Variants in SCARA5 observed in about 807,000 individuals in gnomAD.
SCARA5 encodes the protein scavenger receptor class A, member 5 (putative).
SCARA5 carries 45 observed loss-of-function variants against 46.3 expected under a neutral mutation model. The observed-to-expected ratio is 0.97, with a 90% CI of 0.76 to 1.24. The LOEUF (loss-of-function observed/expected upper bound fraction) is 1.24. Among genes scored for constraint, SCARA5 ranks in the 50% most tolerant of loss-of-function variants. The probability of loss-of-function intolerance (pLI) is 0.00; values close to 1 mark genes in which losing one functional copy is unlikely to be tolerated. For synonymous variants in SCARA5, 333 were observed against 306.5 expected (o/e 1.09, Z -0.90); for missense variants, 680 against 689.0 (o/e 0.99, Z 0.15).
chr8:27,910,641 C>A (rs1023488531), intron 4 of SCARA5, among the ~76,000 whole-genome samples: 4 of 152,148 alleles, frequency 2.6e-5, no homozygotes, highest in African/African-American at 7.2e-5. Context: ...AGCCTTCAGT[C>A]CAGCCAGGTG....
At chr8:27,916,609 T>C (rs1463605460) in intron 4 of SCARA5, among the ~76,000 whole-genome samples, 1 of 152,224 alleles carries the variant, frequency 6.6e-6, no homozygotes, top group African/African-American at 2.4e-5. Flanking sequence ...GCTTTTCTAG[T>C]GACCTAGCCC....
intron 5 of SCARA5, 37 bp from the exon 6 acceptor site, chr8:27,907,283 G>A (rs1332698405): frequency 1.3e-6 from 2 of 1,501,096 alleles, no homozygotes; most frequent in South Asian, 2.3e-5. Flanking sequence ...AGCCTCAGAT[G>A]CAGAACAGGA....
Position 27,934,929 on chromosome 8 carries a change from C to T in SCARA5, c.242-12684G>A, listed in dbSNP as rs553334676. ...TTGGGCCATCTTACTAGAAGTCTCA[C>T]GGCCAGCATGAAGGAGGTGACCCTT... is the stretch of plus-strand genomic sequence containing the variant. On this transcript the variant is annotated intron_variant, in intron 3 of 8. Coordinates refer to ENST00000354914, the MANE Select transcript of SCARA5 (RefSeq NM_173833.6). Among the ~76,000 whole-genome samples, 12 of 152,376 alleles carry T rather than the reference C, an allele frequency of 7.9e-5. No individual in the cohort carries two copies. In the East Asian group the frequency reaches 9.6e-4, roughly 12 times the overall value.
At chr8:27,888,084 T>A (rs1334740866) in intron 7 of SCARA5, among the ~76,000 whole-genome samples, 1 of 151,588 alleles carries the variant, frequency 6.6e-6, no homozygotes, top group Non-Finnish European at 1.5e-5. Flanking sequence ...TGAGACAAGG[T>A]CTGGCTCTGT....
At chr8:27,949,589 G>A (rs556871546) in intron 3 of SCARA5, among the ~76,000 whole-genome samples, 4 of 152,308 alleles carry the variant, frequency 2.6e-5, no homozygotes, top group South Asian at 2.1e-4. Context: ...CACTGTTGCC[G>A]CATAACTCAG....
chr8:27,908,062 GATCTGA>G lies in SCARA5; in HGVS notation c.998-822_998-817del, dbSNP rs1415591101. The stretch of plus-strand genomic sequence containing the variant: ...GGTCACACAGCAGTGTTGGAGGCAG[GATCTGA>G]GCCCTGCTGTTGCTGAAATGAGAGT... On this transcript the variant is annotated intron_variant, in intron 5 of 8. Coordinates refer to ENST00000354914, the MANE Select transcript of SCARA5 (RefSeq NM_173833.6). Among the ~76,000 whole-genome samples, 39 of 150,686 alleles carry G rather than the reference GATCTGA, an allele frequency of 2.6e-4. No individual in the cohort carries two copies. In the Middle Eastern group the frequency reaches 0.01, roughly 40 times the overall value.
chr8:27,871,310 A>T lies in SCARA5; in HGVS notation c.*624T>A. 1 of 393,524 alleles carries T rather than the reference A, an allele frequency of 2.5e-6. No homozygotes were observed. The highest frequency in any genetic ancestry group is 3.5e-6 in the Non-Finnish European group (1 of 288,606). 24.4% of individuals were successfully genotyped at this position (393,524 alleles called of 1,614,324 possible). A position where few individuals can be genotyped will look rare whatever the true frequency, so the allele number is the denominator to read the frequency against. ...CGTGCCATGGTAGTCATTCAATGTTAGTTTCATTCCCTTCTCCAAATCTAG... is the reference window on the plus strand; with the variant it reads ...CGTGCCATGGTAGTCATTCAATGTTTGTTTCATTCCCTTCTCCAAATCTAG... On this transcript the variant is annotated 3_prime_UTR_variant, in exon 9 of 9. Transcript: ENST00000354914.
intron 7 of SCARA5, among the ~76,000 whole-genome samples, chr8:27,888,898 C>A (rs1173117235): frequency 1.3e-5 from 2 of 152,194 alleles, no homozygotes; most frequent in Non-Finnish European, 2.9e-5. Context: ...GGCTGGGTAG[C>A]CTCCTTGCTG....
chr8:27,978,033 T>G (rs1729328563), intron 2 of SCARA5, among the ~76,000 whole-genome samples: 1 of 146,456 alleles, frequency 6.8e-6, no homozygotes, highest in East Asian at 2.0e-4. Flanking sequence ...TGTTTTTTTT[T>G]TTTTTTTTTT....
At chr8:27,882,631 G>C (rs1585461383) in intron 7 of SCARA5, among the ~76,000 whole-genome samples, 1 of 152,322 alleles carries the variant, frequency 6.6e-6, no homozygotes, top group Non-Finnish European at 1.5e-5. Context: ...AAGCCAGAGA[G>C]AGCCAGTTGG....
At chr8:27,891,293 C>T (rs943024085) in intron 7 of SCARA5, among the ~76,000 whole-genome samples, 3 of 151,916 alleles carry the variant, frequency 2.0e-5, no homozygotes, top group African/African-American at 7.3e-5. Context: ...GCAACCTTCA[C>T]CTCCAGAGTT....
At chr8:27,978,121 G>C (rs370330982) in intron 2 of SCARA5, among the ~76,000 whole-genome samples, 3 of 148,714 alleles carry the variant, frequency 2.0e-5, no homozygotes, top group East Asian at 4.0e-4. Context: ...CTGCCTCCCA[G>C]GTTCAAGCAA....
intron 2 of SCARA5, among the ~76,000 whole-genome samples, chr8:27,985,027 A>G (rs1400039983): frequency 6.6e-6 from 1 of 152,182 alleles, no homozygotes; most frequent in African/African-American, 2.4e-5. Context: ...CATTCAAAAA[A>G]TGCCTAGTGA....
chr8:27,966,670 G>T, intron 2 of SCARA5, 128 bp from the exon 3 acceptor site: 1 of 1,039,426 alleles, frequency 9.6e-7, no homozygotes. Context: ...CATCCCTTTT[G>T]CATGTCTAGA....
chr8:27,893,872 C>T (rs1306988671), intron 7 of SCARA5, among the ~76,000 whole-genome samples: 2 of 152,230 alleles, frequency 1.3e-5, no homozygotes, highest in Non-Finnish European at 2.9e-5. Flanking sequence ...TATTACTCCG[C>T]CCCCAGCGGG....
At chr8:27,972,181 G>T (rs1015988438) in intron 2 of SCARA5, among the ~76,000 whole-genome samples, 5 of 152,008 alleles carry the variant, frequency 3.3e-5, no homozygotes, top group Non-Finnish European at 5.9e-5. Flanking sequence ...GCTGGGCATG[G>T]CGGCAGGCAC....
At chr8:27,987,278 C>A (rs778011517) in intron 2 of SCARA5, among the ~76,000 whole-genome samples, 1 of 152,244 alleles carries the variant, frequency 6.6e-6, no homozygotes, top group Non-Finnish European at 1.5e-5. Flanking sequence ...ACTGTGAAAT[C>A]TGTCCATCTG....
At chr8:27,882,487 T>C (rs1806826919) in intron 7 of SCARA5, among the ~76,000 whole-genome samples, 1 of 152,138 alleles carries the variant, frequency 6.6e-6, no homozygotes, top group Non-Finnish European at 1.5e-5. Context: ...GAGGAGGGTG[T>C]AGGAGAAATA....
chr8:27,893,803 T>G (rs1264464488), intron 7 of SCARA5, among the ~76,000 whole-genome samples: 1 of 152,262 alleles, frequency 6.6e-6, no homozygotes, highest in Non-Finnish European at 1.5e-5. Flanking sequence ...TGGCTATCAC[T>G]GGGGTGTGAG....
Sources: gnomAD v4.1 joint callset for allele counts (sites outside exome capture counted in the v4.1 genomes callset) on GRCh38, gnomAD v4.1.1 for gene constraint, MANE v1.5 for transcripts, NCBI Gene and HGNC (gene_info 2026-07-23, HGNC 2026-07-21) for gene names.